The following TMCO4 variants were observed in gnomAD, a reference collection of about 807,000 sequenced individuals.
TMCO4 encodes transmembrane and coiled-coil domains 4.
A neutral mutation model predicts 64.7 loss-of-function variants in TMCO4; 58 were observed. The observed-to-expected ratio is 0.90, with a 90% CI of 0.73 to 1.12. TMCO4 has a LOEUF of 1.12. TMCO4 is among the 50% of genes most tolerant of loss of function. TMCO4 has a pLI of 0.00. For missense variants in TMCO4, 780 were observed against 825.9 expected (o/e 0.94, Z 0.68); for synonymous variants, 325 against 346.1 (o/e 0.94, Z 0.68).
intron 3 of TMCO4, among the ~76,000 whole-genome samples, chr1:19,784,170 T>C (rs1481247515): frequency 6.6e-6 from 1 of 152,080 alleles, no homozygotes; most frequent in Non-Finnish European, 1.5e-5. Context: ...ATAAACAGCT[T>C]TCTGATCAGG....
At position 19,781,906 on chromosome 1, in the gene TMCO4, A is replaced by T. The variant is rs976234275; in HGVS notation, c.-8-1140T>A. Among the ~76,000 whole-genome samples, 20 of 152,206 alleles carry T rather than the reference A, an allele frequency of 1.3e-4. 1 individual carries two copies. On this transcript the variant is annotated intron_variant, in intron 3 of 15. Transcript: ENST00000294543. ...CGTGATCCGCCCGCCTTGGCCTCCCAAAGTGCTGGGATTACAGGCATGAGC... is the reference window on the plus strand; with the variant it reads ...CGTGATCCGCCCGCCTTGGCCTCCCTAAGTGCTGGGATTACAGGCATGAGC...
At chr1:19,749,194 T>A (rs182686827) in intron 7 of TMCO4, among the ~76,000 whole-genome samples, 1 of 152,228 alleles carries the variant, frequency 6.6e-6, no homozygotes, top group Non-Finnish European at 1.5e-5. Flanking sequence ...GATGTAGGCA[T>A]GAATCCTAGC....
chr1:19,795,146 A>G (rs2044243327), intron 2 of TMCO4, among the ~76,000 whole-genome samples: 1 of 151,728 alleles, frequency 6.6e-6, no homozygotes, highest in Non-Finnish European at 1.5e-5. Flanking sequence ...ATTTCATGGT[A>G]TGTGTATTTT....
chr1:19,745,278 A>G (rs887855180), intron 10 of TMCO4, among the ~76,000 whole-genome samples: 9 of 75,852 alleles, frequency 1.2e-4, no homozygotes, highest in Admixed American at 6.0e-4. Context: ...ATGGGTAAAC[A>G]GGTAAAAGGG....
intron 15 of TMCO4, among the ~76,000 whole-genome samples, chr1:19,692,815 T>C (rs1243758609): frequency 6.6e-6 from 1 of 151,946 alleles, no homozygotes; most frequent in Non-Finnish European, 1.5e-5. Flanking sequence ...AGTGTCCACA[T>C]GGGAAGCTAT....
intron 7 of TMCO4, among the ~76,000 whole-genome samples, chr1:19,754,221 C>T (rs752524396): frequency 4.6e-5 from 7 of 152,258 alleles, no homozygotes; most frequent in East Asian, 3.9e-4. Context: ...CCGGGTAATA[C>T]GTTTCTCTCT....
chr1:19,760,154 G>T (rs1281589229), intron 6 of TMCO4, among the ~76,000 whole-genome samples: 1 of 152,032 alleles, frequency 6.6e-6, no homozygotes, highest in African/African-American at 2.4e-5. Context: ...ATTCTTAAAT[G>T]TCATATAGTC....
chr1:19,725,736 G>T (rs961762134), intron 13 of TMCO4, among the ~76,000 whole-genome samples: 3 of 152,178 alleles, frequency 2.0e-5, no homozygotes, highest in Non-Finnish European at 4.4e-5. Context: ...CTGACCAAAG[G>T]CACAATCATT....
intron 6 of TMCO4, among the ~76,000 whole-genome samples, chr1:19,759,695 T>C (rs2042414296): frequency 6.6e-6 from 1 of 152,116 alleles, no homozygotes; most frequent in Admixed American, 6.5e-5. Flanking sequence ...TCCACTTAAA[T>C]ATCACTTCCT....
At chr1:19,730,122 A>G (rs1309698280) in intron 13 of TMCO4, among the ~76,000 whole-genome samples, 1 of 152,242 alleles carries the variant, frequency 6.6e-6, no homozygotes, top group African/African-American at 2.4e-5. Flanking sequence ...GAAGGCATTT[A>G]CTGGCCCCTC....
Position 19,786,063 on chromosome 1 carries a change from G to T in TMCO4, c.-9+963C>A, listed in dbSNP as rs1487605461. On this transcript the variant is annotated intron_variant, in intron 3 of 15. Transcript: ENST00000294543. ...TGCAGGAGCCTGGGCAACAAAGTGA[G>T]ACCCTGTCTTTACAAAAATAATAAT... 3.9e-5 allele frequency among the ~76,000 whole-genome samples: 6 copies of T among 152,294 alleles called. No homozygotes were observed. The East Asian group carries it at 1.2e-3, about 29-fold the overall frequency.
At chr1:19,784,874 G>A (rs541392733) in intron 3 of TMCO4, among the ~76,000 whole-genome samples, 19 of 133,324 alleles carry the variant, frequency 1.4e-4, no homozygotes, top group Middle Eastern at 3.8e-3. Flanking sequence ...AAAAAATTTC[G>A]CAAGACAACC....
chr1:19,783,026 T>A (rs1295973706), intron 3 of TMCO4, among the ~76,000 whole-genome samples: 1 of 152,242 alleles, frequency 6.6e-6, no homozygotes, highest in African/African-American at 2.4e-5. Context: ...TCATGCTATA[T>A]AAATGCTTGT....
At chr1:19,706,613 A>T (rs2095304540) in intron 13 of TMCO4, among the ~76,000 whole-genome samples, 1 of 152,184 alleles carries the variant, frequency 6.6e-6, no homozygotes, top group African/African-American at 2.4e-5. Context: ...TAAGTTATTA[A>T]TATCCTATTT....
Position 19,755,670 on chromosome 1 carries a change from AG to A in TMCO4, c.478del (p.Leu160TrpfsTer4). The A allele has an allele frequency of 1.2e-6, 2 of 1,614,122 alleles. No homozygotes were observed. The highest frequency in any genetic ancestry group is 1.7e-6 in the Non-Finnish European group (2 of 1,180,004). ...EELDVLEEMF[L>X]ESLKEIKEEE... ...TTCTTTGATTTCCTTCAGGCTCTCC[AG>A]GAACATCTCTTCAAGGACATCCAGC... is the stretch of plus-strand genomic sequence containing the variant. On this transcript the variant is annotated frameshift_variant, in exon 7 of 16. Transcript: ENST00000294543. LOFTEE classifies it high-confidence loss of function.
intron 13 of TMCO4, among the ~76,000 whole-genome samples, chr1:19,718,520 G>C (rs1433302582): frequency 1.3e-5 from 2 of 151,474 alleles, no homozygotes. Context: ...AGGTGTGGTG[G>C]CATGCGCCTG....
At chr1:19,687,194 C>T (rs911471345) in intron 15 of TMCO4, among the ~76,000 whole-genome samples, 9 of 152,158 alleles carry the variant, frequency 5.9e-5, no homozygotes, top group African/African-American at 9.7e-5. Context: ...TCAGGTGATC[C>T]GCCTTCCTTG....
At chr1:19,751,916 C>T (rs895462739) in intron 7 of TMCO4, among the ~76,000 whole-genome samples, 3 of 151,794 alleles carry the variant, frequency 2.0e-5, no homozygotes, top group Non-Finnish European at 2.9e-5. Flanking sequence ...GGCGTGGTGG[C>T]GGGCATCTGT....
chr1:19,727,044 G>T (rs1371136908), intron 13 of TMCO4, among the ~76,000 whole-genome samples: 4 of 152,196 alleles, frequency 2.6e-5, no homozygotes, highest in Non-Finnish European at 5.9e-5. Context: ...GATGACGCAT[G>T]GTAGAGCTGG....
Sources: gnomAD v4.1 joint callset for allele counts (sites outside exome capture counted in the v4.1 genomes callset) on GRCh38, gnomAD v4.1.1 for gene constraint, MANE v1.5 for transcripts, NCBI Gene and HGNC (gene_info 2026-07-23, HGNC 2026-07-21) for gene names.